Variants in BDKRB2 observed in about 807,000 individuals in gnomAD.
The protein encoded by BDKRB2 is B2 bradykinin receptor.
A neutral mutation model predicts 4.0 loss-of-function variants in BDKRB2; 6 were observed. The observed-to-expected ratio is 1.49, with a 90% CI of 0.81 to 2.93. BDKRB2 has a LOEUF of 2.93. BDKRB2 is among the 30% of genes most tolerant of loss of function. The pLI, the probability that BDKRB2 is intolerant of heterozygous loss-of-function variation, is 0.00. For synonymous variants in BDKRB2, 225 were observed against 215.3 expected, an observed-to-expected ratio of 1.05 and a Z score of -0.40; for missense variants, 478 against 520.1, an observed-to-expected ratio of 0.92 and a Z score of 0.79.
intron 1 of BDKRB2, among the ~76,000 whole-genome samples, chr14:96,213,495 A>AAC (rs66460667): frequency 0.14 from 20,941 of 146,420 alleles, 1,621 homozygotes; most frequent in Admixed American, 0.25. Context: ...GACCGACCCA[A>AAC]ACACACACAC....
intron 1 of BDKRB2, among the ~76,000 whole-genome samples, chr14:96,229,920 A>T (rs910033736): frequency 2.0e-5 from 3 of 152,074 alleles, no homozygotes; most frequent in Non-Finnish European, 4.4e-5. Flanking sequence ...TGAGGTCAGG[A>T]GATCAAGACC....
chr14:96,240,818 T>A lies in BDKRB2; in HGVS notation c.490T>A (p.Ser164Thr). 9.7e-6 allele frequency: 15 copies of A among 1,553,924 alleles called. No homozygotes were observed. Among genetic ancestry groups the A allele is most frequent in the Non-Finnish European group, 1.3e-5 (15 of 1,151,654 alleles). ...CTACCTGGCCCTGGTGAAAACCATG[T>A]CCATGGGCCGGATGCGCGGCGTGCG... ...DRYLALVKTM[S>T]MGRMRGVRWA... Residue 164 changes from serine to threonine, a missense_variant, in exon 3 of 3, where the codon TCC becomes ACC. By Grantham distance (58) the Ser-to-Thr change is moderately conservative. Transcript: ENST00000554311.
At chr14:96,207,615 T>C (rs1333479305) in intron 1 of BDKRB2, among the ~76,000 whole-genome samples, 1 of 152,098 alleles carries the variant, frequency 6.6e-6, no homozygotes, top group Non-Finnish European at 1.5e-5. Context: ...CTTTGGGTGA[T>C]GATGATGTGT....
intron 1 of BDKRB2, among the ~76,000 whole-genome samples, chr14:96,234,907 G>A (rs565296514): frequency 6.6e-4 from 100 of 152,310 alleles, no homozygotes; most frequent in African/African-American, 2.4e-3. Context: ...TGTAGAAATG[G>A]AAGCTGTACA....
chr14:96,237,264 A>G (rs772413786), intron 2 of BDKRB2, 83 bp downstream of exon 2: 161 of 1,287,980 alleles, frequency 1.3e-4, no homozygotes, highest in Non-Finnish European at 1.7e-4. Context: ...CTCAACTCTC[A>G]TGCCCCGGAC....
Position 96,240,497 on chromosome 14 carries a change from A to G in BDKRB2, c.169A>G (p.Asn57Asp). ...CCAAGTGGAGTGGCTGGGCTGGCTC[A>G]ACACCATCCAGCCCCCCTTCCTCTG... The part of the protein sequence containing the change: ...CPQVEWLGWL[N>D]TIQPPFLWVL... The change falls in exon 3 of 3, where the codon AAC becomes GAC. Residue 57 changes from asparagine (N) to aspartate (D), a missense_variant. Transcript: ENST00000554311. 1 of 1,558,982 alleles carries G rather than the reference A, an allele frequency of 6.4e-7. No individual in the cohort carries two copies. The highest frequency in any genetic ancestry group is 1.2e-5 in the South Asian group (1 of 80,914).
chr14:96,222,623 A>C (rs4900318), intron 1 of BDKRB2, among the ~76,000 whole-genome samples: 81,615 of 151,778 alleles, frequency 0.54, 22,282 homozygotes, highest in Non-Finnish European at 0.59. Flanking sequence ...AGAAGAATGC[A>C]ATCAATGGTC....
chr14:96,220,894 C>A (rs181633879), intron 1 of BDKRB2, among the ~76,000 whole-genome samples: 1 of 152,176 alleles, frequency 6.6e-6, no homozygotes, highest in Non-Finnish European at 1.5e-5. Flanking sequence ...TCATCTCCCC[C>A]ACGAAGCCTC....
At chr14:96,212,614 C>G (rs1343991061) in intron 1 of BDKRB2, among the ~76,000 whole-genome samples, 1 of 152,190 alleles carries the variant, frequency 6.6e-6, no homozygotes, top group African/African-American at 2.4e-5. Flanking sequence ...AAGTTGATGG[C>G]AGAGATCAGT....
intron 1 of BDKRB2, among the ~76,000 whole-genome samples, chr14:96,230,518 C>T (rs566553572): frequency 2.0e-5 from 3 of 152,334 alleles, no homozygotes; most frequent in East Asian, 3.9e-4. Flanking sequence ...CCTCAGCCCC[C>T]CAAGTAGCTG....
At chr14:96,238,190 C>T (rs796994086) in intron 2 of BDKRB2, 8 of 774,474 alleles carry the variant, frequency 1.0e-5, no homozygotes, top group East Asian at 2.5e-4. Flanking sequence ...CCACCAAAAG[C>T]GTAACTGGGG....
At chr14:96,236,751 G>A (rs570815508) in intron 1 of BDKRB2, among the ~76,000 whole-genome samples, 1 of 152,266 alleles carries the variant, frequency 6.6e-6, no homozygotes, top group Admixed American at 6.5e-5. Context: ...CACCCTCAGT[G>A]TTCTCATCAA....
chr14:96,232,935 C>A (rs952172274), intron 1 of BDKRB2, among the ~76,000 whole-genome samples: 2 of 152,204 alleles, frequency 1.3e-5, no homozygotes, highest in Non-Finnish European at 2.9e-5. Flanking sequence ...AAACAAAAAA[C>A]AGATGAACAA....
intron 2 of BDKRB2, chr14:96,239,664 G>A (rs1291522028): frequency 2.1e-6 from 2 of 949,186 alleles, no homozygotes; most frequent in Non-Finnish European, 2.5e-6. Context: ...TCACAACCCT[G>A]AGAGGTAGTT....
At chr14:96,238,789 C>A (rs1885180787) in intron 2 of BDKRB2, 1 of 985,940 alleles carries the variant, frequency 1.0e-6, no homozygotes, top group Middle Eastern at 5.2e-4. Context: ...ACCCACCAGC[C>A]CCCTCTCCAA....
chr14:96,240,308 G>A (rs530857940), intron 2 of BDKRB2, 95 bp from the exon 3 acceptor site: 1 of 1,354,978 alleles, frequency 7.4e-7, no homozygotes. Context: ...CCTTGCCCTG[G>A]CTGGTTGTCC....
chr14:96,239,268 GC>G (rs767553136), intron 2 of BDKRB2: 125 of 976,008 alleles, frequency 1.3e-4, no homozygotes, highest in Non-Finnish European at 1.5e-4. Flanking sequence ...TGTTGCAACA[GC>G]CATGAAAAAA....
intron 1 of BDKRB2, among the ~76,000 whole-genome samples, chr14:96,231,593 G>C (rs1272655190): frequency 1.3e-5 from 2 of 152,172 alleles, no homozygotes; most frequent in Non-Finnish European, 2.9e-5. Flanking sequence ...AGCTTTTAGA[G>C]GAAAACATTT....
At chr14:96,221,964 C>T (rs944872789) in intron 1 of BDKRB2, among the ~76,000 whole-genome samples, 2 of 152,062 alleles carry the variant, frequency 1.3e-5, no homozygotes, top group Non-Finnish European at 2.9e-5. Context: ...ACATTATCTG[C>T]CCGGAGGCAG....
Sources: gnomAD v4.1 joint callset for allele counts (sites outside exome capture counted in the v4.1 genomes callset) on GRCh38, gnomAD v4.1.1 for gene constraint, MANE v1.5 for transcripts, NCBI Gene and HGNC (gene_info 2026-07-23, HGNC 2026-07-21) for gene names.